Variants in DLGAP2 observed in about 807,000 individuals in gnomAD.
The protein encoded by DLGAP2 is disks large-associated protein 2.
A neutral mutation model predicts 100.3 loss-of-function variants in DLGAP2; 26 were observed. The observed-to-expected ratio is 0.26, with a 90% CI of 0.19 to 0.36. The LOEUF (loss-of-function observed/expected upper bound fraction) is 0.36. Among genes scored for constraint, DLGAP2 ranks in the 10% least tolerant of loss-of-function variants. DLGAP2 has a pLI of 1.00. For missense variants in DLGAP2, 1,858 were observed against 1,453.2 expected (o/e 1.28, Z -4.53); for synonymous variants, 886 against 630.1 (o/e 1.41, Z -6.08).
rs550800115 is a variant in DLGAP2 at position 1,097,090 on chromosome 8, G to C, written c.74-161761G>C. Among the ~76,000 whole-genome samples the C allele has an allele frequency of 5.6e-4, 72 of 129,142 alleles. 1 individual carries two copies. The highest frequency in any genetic ancestry group is 1.9e-3 in the African/African-American group (61 of 32,070). 84.7% of individuals were successfully genotyped at this position (129,142 alleles called of 152,430 possible). ...CCTCCAGTGTGAGACCCACCTCCCT[G>C]TGCTCAGGAGAGTCAAGCTGGGAGC... On this transcript the variant is annotated intron_variant, in intron 2 of 14. Transcript: ENST00000637795.
In DLGAP2 at chr8:1,631,362, C is replaced by T. The variant is rs1563268566; in HGVS notation, c.1591-1465C>T. ...TACTAGGGCCTCACACAGGTTCTGA[C>T]CTTCTCACGCTGTCTACGATACATC... On this transcript the variant is annotated intron_variant, in intron 7 of 14. Transcript: ENST00000637795. 2.6e-5 allele frequency among the ~76,000 whole-genome samples: 4 copies of T among 152,256 alleles called. No individual in the cohort carries two copies. In the East Asian group the frequency reaches 5.8e-4, roughly 22 times the overall value.
chr8:1,288,285 G>T (rs1219737461), intron 3 of DLGAP2, among the ~76,000 whole-genome samples: 2 of 129,704 alleles, frequency 1.5e-5, no homozygotes, highest in Non-Finnish European at 1.6e-5. Flanking sequence ...ACTTGTTTTG[G>T]TTCAGCGTGT....
At chr8:1,513,947 A>T (rs1221701423) in intron 4 of DLGAP2, among the ~76,000 whole-genome samples, 1 of 152,162 alleles carries the variant, frequency 6.6e-6, no homozygotes, top group African/African-American at 2.4e-5. Flanking sequence ...TGCCTACGCA[A>T]TGTGATTGAG....
At chr8:989,393 C>T (rs1020533654) in intron 2 of DLGAP2, among the ~76,000 whole-genome samples, 6 of 152,196 alleles carry the variant, frequency 3.9e-5, no homozygotes, top group African/African-American at 9.7e-5. Flanking sequence ...ACGTCCAAAC[C>T]TTGCTTGCAC....
intron 2 of DLGAP2, among the ~76,000 whole-genome samples, chr8:1,165,481 C>G (rs971767214): frequency 6.6e-6 from 1 of 152,164 alleles, no homozygotes; most frequent in African/African-American, 2.4e-5. Flanking sequence ...GTGCAAAGGG[C>G]ATCGCACTAA....
rs1799627137 is a variant in DLGAP2, at chr8:1,703,429, A to G, written c.*2023A>G. ...GTACGGTAATGACGCTTCTTCCTAT[A>G]TCCACTCTTATTATGTTAAAACAAA... is the stretch of plus-strand genomic sequence containing the variant. On this transcript the variant is annotated 3_prime_UTR_variant, in exon 15 of 15. Coordinates refer to ENST00000637795, the MANE Select transcript of DLGAP2 (RefSeq NM_001346810.2). 6.5e-6 allele frequency: 1 copy of G among 152,732 alleles called. No individual in the cohort carries two copies. The highest frequency in any genetic ancestry group is 1.9e-4 in the East Asian group (1 of 5,188). 9.5% of individuals were successfully genotyped at this position (152,732 alleles called of 1,614,324 possible). A position where few individuals can be genotyped will look rare whatever the true frequency, so the allele number is the denominator to read the frequency against.
rs59220880 is a variant in DLGAP2, at chr8:1,683,954, G to GTATATA, written c.2704+5354_2704+5359dup. On this transcript the variant is annotated intron_variant, in intron 12 of 14. Transcript: ENST00000637795. ...TATATATGTGTATATATATATGTGT[G>GTATATA]TATATATATATATATATATATATAT... 3.9e-3 allele frequency among the ~76,000 whole-genome samples: 288 copies of GTATATA among 74,702 alleles called. 8 individuals carry two copies. Among genetic ancestry groups the GTATATA allele is most frequent in the Middle Eastern group, 0.017 (2 of 116 alleles). The allele number at this position is 74,702 out of a possible 152,430, so 49.0% of individuals were successfully genotyped here. A position where few individuals can be genotyped will look rare whatever the true frequency, so the allele number is the denominator to read the frequency against.
At chr8:1,569,901 C>T (rs1454648047) in intron 6 of DLGAP2, among the ~76,000 whole-genome samples, 1 of 151,034 alleles carries the variant, frequency 6.6e-6, no homozygotes, top group East Asian at 2.0e-4. Context: ...TAGATCTTCA[C>T]CCCATGGCAC....
intron 2 of DLGAP2, among the ~76,000 whole-genome samples, chr8:1,109,002 A>C (rs1804869177): frequency 1.6e-5 from 2 of 121,992 alleles, no homozygotes; most frequent in South Asian, 5.5e-4. Flanking sequence ...ATGCCTATGA[A>C]GTGTGCTGGG....
At chr8:1,376,323 C>T (rs1339568251) in intron 3 of DLGAP2, among the ~76,000 whole-genome samples, 1 of 152,252 alleles carries the variant, frequency 6.6e-6, no homozygotes. Context: ...CTCACTCCAT[C>T]AGCCAGCTCC....
intron 2 of DLGAP2, among the ~76,000 whole-genome samples, chr8:953,441 A>C (rs571027882): frequency 6.6e-6 from 1 of 152,222 alleles, no homozygotes; most frequent in Non-Finnish European, 1.5e-5. Context: ...ATCCACCCAC[A>C]TCAGCTTCCC....
intron 3 of DLGAP2, among the ~76,000 whole-genome samples, chr8:1,327,038 T>G (rs1432399002): frequency 6.6e-6 from 1 of 152,242 alleles, no homozygotes; most frequent in African/African-American, 2.4e-5. Flanking sequence ...AGCAAATGTT[T>G]CCATTGCGAA....
chr8:1,564,253 G>C (rs1206037110), intron 5 of DLGAP2, among the ~76,000 whole-genome samples: 3 of 152,186 alleles, frequency 2.0e-5, no homozygotes, highest in African/African-American at 4.8e-5. Flanking sequence ...GACCTGCAGG[G>C]AGCAGCTCCC....
At chr8:774,190 A>C (rs1019572583) in intron 1 of DLGAP2, among the ~76,000 whole-genome samples, 12 of 151,646 alleles carry the variant, frequency 7.9e-5, no homozygotes, top group African/African-American at 2.9e-4. Flanking sequence ...CTTTTTGATG[A>C]GGTTGTTTGT....
chr8:1,232,152 G>A (rs1415177174), intron 2 of DLGAP2, among the ~76,000 whole-genome samples: 1 of 152,182 alleles, frequency 6.6e-6, no homozygotes, highest in African/African-American at 2.4e-5. Context: ...TCCCCTTCAC[G>A]ACTGGGTGGT....
intron 3 of DLGAP2, among the ~76,000 whole-genome samples, chr8:1,390,836 C>T (rs780351990): frequency 3.9e-5 from 6 of 152,234 alleles, no homozygotes; most frequent in Non-Finnish European, 5.9e-5. Context: ...AATGCAAACA[C>T]ACTGTGCTGT....
At chr8:1,426,121 C>T (rs573574788) in intron 3 of DLGAP2, among the ~76,000 whole-genome samples, 8 of 152,114 alleles carry the variant, frequency 5.3e-5, no homozygotes, top group East Asian at 3.9e-4. Context: ...AGGAAGAAAC[C>T]GGCTCAGCTG....
intron 2 of DLGAP2, among the ~76,000 whole-genome samples, chr8:1,060,226 G>T (rs555851118): frequency 6.6e-6 from 1 of 152,312 alleles, no homozygotes; most frequent in Admixed American, 6.5e-5. Context: ...TAACAGAAAT[G>T]TACTGTCTCG....
At chr8:1,696,354 G>A (rs1799398245) in intron 13 of DLGAP2, among the ~76,000 whole-genome samples, 1 of 152,160 alleles carries the variant, frequency 6.6e-6, no homozygotes, top group Admixed American at 6.5e-5. Flanking sequence ...AAAGAAATTA[G>A]CTGGGTGTAG....
Sources: gnomAD v4.1 joint callset for allele counts (sites outside exome capture counted in the v4.1 genomes callset) on GRCh38, gnomAD v4.1.1 for gene constraint, MANE v1.5 for transcripts, NCBI Gene and HGNC (gene_info 2026-07-23, HGNC 2026-07-21) for gene names.